The following DOK6 variants were observed in gnomAD, a reference collection of about 807,000 sequenced individuals.
DOK6 encodes the protein downstream of tyrosine kinase 6.
In DOK6, 22 loss-of-function variants were observed where a neutral mutation model predicts 44.0. The observed-to-expected ratio is 0.50, with a 90% CI of 0.36 to 0.71. The LOEUF is 0.71. DOK6 is among the 30% of genes least tolerant of loss of function. The pLI, the probability that DOK6 is intolerant of heterozygous loss-of-function variation, is 0.00. For synonymous variants in DOK6, 166 were observed against 145.5 expected (o/e 1.14, Z -1.01); for missense variants, 340 against 416.4 (o/e 0.82, Z 1.60).
At chr18:69,813,692 TG>T (rs1299542661) in intron 7 of DOK6, among the ~76,000 whole-genome samples, 1 of 152,038 alleles carries the variant, frequency 6.6e-6, no homozygotes, top group Admixed American at 6.6e-5. Context: ...AAAAGGATCA[TG>T]GTGTTTCAGA....
At chr18:69,720,128 G>T (rs1986974605) in intron 5 of DOK6, among the ~76,000 whole-genome samples, 1 of 152,170 alleles carries the variant, frequency 6.6e-6, no homozygotes, top group Non-Finnish European at 1.5e-5. Flanking sequence ...GGCAGAGGTT[G>T]CAGTGAGCCC....
chr18:69,607,661 A>G (rs939554168), intron 3 of DOK6, among the ~76,000 whole-genome samples: 2 of 152,188 alleles, frequency 1.3e-5, no homozygotes, highest in East Asian at 1.9e-4. Flanking sequence ...AATAATATCT[A>G]TGACTAACCA....
At chr18:69,693,015 A>G (rs936111037) in intron 4 of DOK6, among the ~76,000 whole-genome samples, 1 of 152,220 alleles carries the variant, frequency 6.6e-6, no homozygotes, top group Non-Finnish European at 1.5e-5. Flanking sequence ...ATCTAAATCA[A>G]GAATGCCTTT....
intron 2 of DOK6, among the ~76,000 whole-genome samples, chr18:69,598,394 A>G (rs1327924497): frequency 1.3e-5 from 2 of 152,036 alleles, no homozygotes; most frequent in Non-Finnish European, 2.9e-5. Flanking sequence ...AGAGAAATTA[A>G]AGCATAGTCA....
At chr18:69,472,329 T>C (rs75297553) in intron 1 of DOK6, among the ~76,000 whole-genome samples, 27,938 of 152,142 alleles carry the variant, frequency 0.18, 3,122 homozygotes, top group Non-Finnish European at 0.23. Context: ...TTCCTTGCAC[T>C]GTACCACTCT....
intron 5 of DOK6, among the ~76,000 whole-genome samples, chr18:69,716,509 C>T (rs1457417388): frequency 1.3e-5 from 2 of 151,972 alleles, no homozygotes; most frequent in Non-Finnish European, 2.9e-5. Context: ...TTTATTTTGT[C>T]TTGTGTCTTC....
rs578019688 is a variant in DOK6, at chr18:69,760,663, T to C, written c.856+2790T>C. On this transcript the variant is annotated intron_variant, in intron 7 of 7. Transcript: ENST00000382713. ...ACTTCTCCCTACTCCTGAAATCTTA[T>C]TGGGAAGCTGCTGATCAGTTTCAGG... Among the ~76,000 whole-genome samples, 75 of 151,196 alleles carry C rather than the reference T, an allele frequency of 5.0e-4. 1 individual carries two copies. The highest frequency in any genetic ancestry group is 3.0e-3 in the South Asian group (14 of 4,712).
intron 3 of DOK6, among the ~76,000 whole-genome samples, chr18:69,629,265 C>T (rs1984632132): frequency 6.6e-6 from 1 of 152,172 alleles, no homozygotes; most frequent in Non-Finnish European, 1.5e-5. Flanking sequence ...TTTAGTGACA[C>T]AGCAAGTGGC....
chr18:69,669,318 T>G (rs1985737434), intron 3 of DOK6, among the ~76,000 whole-genome samples: 1 of 152,228 alleles, frequency 6.6e-6, no homozygotes, highest in Non-Finnish European at 1.5e-5. Flanking sequence ...GTGTACTTCG[T>G]GTTTAGCTCC....
At chr18:69,668,872 T>C (rs776329152) in intron 3 of DOK6, among the ~76,000 whole-genome samples, 4 of 152,206 alleles carry the variant, frequency 2.6e-5, no homozygotes, top group African/African-American at 4.8e-5. Context: ...TAACAGAGTT[T>C]GTAATTAAAA....
At chr18:69,598,070 GT>G (rs1205690651) in intron 2 of DOK6, among the ~76,000 whole-genome samples, 2 of 151,870 alleles carry the variant, frequency 1.3e-5, no homozygotes, top group Non-Finnish European at 2.9e-5. Context: ...TGATTTTTAG[GT>G]TTTTTTGTGT....
chr18:69,461,136 C>CT (rs1979776045), intron 1 of DOK6, among the ~76,000 whole-genome samples: 1 of 152,112 alleles, frequency 6.6e-6, no homozygotes. Context: ...CAAGCACATT[C>CT]TTTTTTGGTT....
intron 5 of DOK6, among the ~76,000 whole-genome samples, chr18:69,701,662 A>G (rs1986523632): frequency 6.6e-6 from 1 of 152,240 alleles, no homozygotes. Context: ...GATGCTTACT[A>G]GTAGAAAATT....
At position 69,669,676 on chromosome 18, in the gene DOK6, C is replaced by A. The variant is rs183503244; in HGVS notation, c.290-8058C>A. ...CCCTCGGACCCCTTCCCGCACCCCC[C>A]CGCCGACCCTCCTGGCTCTTGTTCT... On this transcript the variant is annotated intron_variant, in intron 3 of 7. Coordinates refer to ENST00000382713, the MANE Select transcript of DOK6 (RefSeq NM_152721.6). Among the ~76,000 whole-genome samples the A allele has an allele frequency of 1.4e-4, 21 of 152,270 alleles. No homozygotes were observed. The East Asian group carries it at 3.9e-3, about 28-fold the overall frequency.
chr18:69,811,148 T>C (rs1445640686), intron 7 of DOK6, among the ~76,000 whole-genome samples: 2 of 152,134 alleles, frequency 1.3e-5, no homozygotes, highest in African/African-American at 4.8e-5. Flanking sequence ...ATCCACCATG[T>C]ATTACAACAT....
chr18:69,787,296 T>TA (rs1980461172), intron 7 of DOK6, among the ~76,000 whole-genome samples: 1 of 152,176 alleles, frequency 6.6e-6, no homozygotes, highest in African/African-American at 2.4e-5. Context: ...CAAGATCCAA[T>TA]ATACTTTTTT....
At chr18:69,522,513 A>ATAATATCT (rs1981715958) in intron 1 of DOK6, among the ~76,000 whole-genome samples, 1 of 152,058 alleles carries the variant, frequency 6.6e-6, no homozygotes, top group South Asian at 2.1e-4. Flanking sequence ...ATACTTATGG[A>ATAATATCT]TGGATAATAT....
rs543656394 is a variant in DOK6, at chr18:69,704,438, C to T, written c.599+5845C>T. Among the ~76,000 whole-genome samples, 117 of 147,742 alleles carry T rather than the reference C, an allele frequency of 7.9e-4. 1 individual carries two copies. Among genetic ancestry groups the T allele is most frequent in the Non-Finnish European group, 3.0e-4 (20 of 67,246 alleles). On this transcript the variant is annotated intron_variant, in intron 5 of 7. Transcript: ENST00000382713. ...TAGCTCAAAGTCCAGAGTCTGCAGG[C>T]GATTTGTAGCAGTGTGTACATCAGG...
chr18:69,613,229 G>C (rs1262228826), intron 3 of DOK6, among the ~76,000 whole-genome samples: 1 of 152,136 alleles, frequency 6.6e-6, no homozygotes, highest in Non-Finnish European at 1.5e-5. Flanking sequence ...TGATGTGAGA[G>C]TGAACAACCA....
Sources: gnomAD v4.1 joint callset for allele counts (sites outside exome capture counted in the v4.1 genomes callset) on GRCh38, gnomAD v4.1.1 for gene constraint, MANE v1.5 for transcripts, NCBI Gene and HGNC (gene_info 2026-07-23, HGNC 2026-07-21) for gene names.